Variants in DRAM2 observed in about 807,000 individuals in gnomAD.
DRAM2 encodes DNA damage regulated autophagy modulator 2, also known as DNA damage-regulated autophagy modulator protein 2.
A neutral mutation model predicts 33.5 loss-of-function variants in DRAM2; 26 were observed. The ratio of observed to expected loss-of-function variants is 0.78; its 90% CI spans 0.57 to 1.08. The LOEUF (loss-of-function observed/expected upper bound fraction) is 1.08, where lower values mean the gene tolerates loss of function less well. Among genes scored for constraint, DRAM2 ranks in the 50% least tolerant of loss-of-function variants. The pLI is 0.00. For missense variants in DRAM2, 311 were observed against 318.1 expected (o/e 0.98, Z 0.17); for synonymous variants, 98 against 109.5 (o/e 0.89, Z 0.66).
In DRAM2 at chr1:111,126,235, G is replaced by A; in HGVS notation, c.191C>T (p.Ala64Val). The change falls in exon 5 of 10, where the codon GCA becomes GTA. Residue 64 changes from alanine (A) to valine (V), a missense_variant. Physicochemically the swap from Ala to Val is moderately conservative, Grantham distance 64. Transcript: ENST00000484310. Reference sequence around the variant, plus strand: ...TCACTTTCATTACTTACATAAAACTGCCGCAATATTTAGCATTGCCCCAAA... The same window carrying A: ...TCACTTTCATTACTTACATAAAACTACCGCAATATTTAGCATTGCCCCAAA... The part of the protein sequence containing the change: ...CLFGAMLNIA[A>V]VLCIATIYVR... 6.2e-7 allele frequency: 1 copy of A among 1,607,848 alleles called. No homozygotes were observed. The highest frequency in any genetic ancestry group is 8.5e-7 in the Non-Finnish European group (1 of 1,175,748).
At chr1:111,120,457 C>T (rs919644237) in intron 7 of DRAM2, 59 bp downstream of exon 7, 30 of 810,468 alleles carry the variant, frequency 3.7e-5, no homozygotes, top group East Asian at 7.1e-5. Context: ...ATAGTGTTTA[C>T]TTAAATCTTG....
chr1:111,131,562 A>C lies in DRAM2; in HGVS notation c.-8T>G. ...TTGCTGAAACCACCACATTTCTAAC[A>C]GGTTTTCTGAAATAGAGAAAACATA... is the stretch of plus-strand genomic sequence containing the variant. On this transcript the variant is annotated 5_prime_UTR_variant, in exon 4 of 10. Transcript: ENST00000484310. 1 of 1,612,904 alleles carries C rather than the reference A, an allele frequency of 6.2e-7. No homozygotes were observed. Among genetic ancestry groups the C allele is most frequent in the Non-Finnish European group, 8.5e-7 (1 of 1,179,734 alleles).
intron 2 of DRAM2, among the ~76,000 whole-genome samples, 185 bp from the exon 3 acceptor site, chr1:111,137,771 G>A (rs1653544731): frequency 7.0e-6 from 1 of 143,014 alleles, no homozygotes; most frequent in South Asian, 2.5e-4. Flanking sequence ...TGTACCATCT[G>A]GAATTAAATA....
chr1:111,133,882 T>G (rs1652634784), intron 3 of DRAM2, among the ~76,000 whole-genome samples: 1 of 152,238 alleles, frequency 6.6e-6, no homozygotes, highest in African/African-American at 2.4e-5. Context: ...TCTTTCCAGC[T>G]TCAGCTGAGT....
chr1:111,133,338 C>T (rs751813248), intron 3 of DRAM2, among the ~76,000 whole-genome samples: 8 of 152,062 alleles, frequency 5.3e-5, no homozygotes, highest in Non-Finnish European at 7.4e-5. Flanking sequence ...CCACCACGTC[C>T]GGCTAATCTT....
chr1:111,137,902 A>T (rs1224911602), intron 2 of DRAM2, among the ~76,000 whole-genome samples: 1 of 152,240 alleles, frequency 6.6e-6, no homozygotes, highest in Non-Finnish European at 1.5e-5. Context: ...TGAGGAAAAA[A>T]ATAATAGATT....
intron 4 of DRAM2, among the ~76,000 whole-genome samples, chr1:111,128,470 A>G (rs1208510818): frequency 3.9e-5 from 6 of 152,134 alleles, no homozygotes; most frequent in African/African-American, 1.4e-4. Flanking sequence ...AAACTCAGAA[A>G]AAGAACTAAG....
chr1:111,139,498 C>A lies in DRAM2; in HGVS notation c.-79+3G>T, dbSNP rs992543604. ...CACCAAAGTATCTGAACCCAGAACT[C>A]ACAACAGGAACGTGTACTCAACAGG... On this transcript the variant is annotated splice_donor_region_variant and intron_variant, in intron 2 of 9. Transcript: ENST00000484310. 3 of 152,248 alleles carry A rather than the reference C, an allele frequency of 2.0e-5. No individual in the cohort carries two copies. Among genetic ancestry groups the A allele is most frequent in the Non-Finnish European group, 4.4e-5 (3 of 68,088 alleles). The allele number at this position is 152,248 out of a possible 1,614,324, so 9.4% of individuals were successfully genotyped here. A position where few individuals can be genotyped will look rare whatever the true frequency, so the allele number is the denominator to read the frequency against.
At chr1:111,123,198 C>T (rs1221022247) in intron 6 of DRAM2, among the ~76,000 whole-genome samples, 2 of 152,156 alleles carry the variant, frequency 1.3e-5, no homozygotes, top group African/African-American at 4.8e-5. Flanking sequence ...TAGTTGTCCA[C>T]CCAAATTGTT....
chr1:111,133,714 A>G, intron 3 of DRAM2, among the ~76,000 whole-genome samples: 1 of 152,206 alleles, frequency 6.6e-6, no homozygotes, highest in Non-Finnish European at 1.5e-5. Flanking sequence ...ATTCAAACTC[A>G]AGCAATTTGA....
intron 6 of DRAM2, among the ~76,000 whole-genome samples, chr1:111,122,343 G>T (rs1314986189): frequency 1.3e-5 from 2 of 152,156 alleles, no homozygotes; most frequent in Non-Finnish European, 2.9e-5. Context: ...GATGAGAGAT[G>T]ATGAAATCTA....
chr1:111,132,499 G>A lies in DRAM2; in HGVS notation c.-14-931C>T, dbSNP rs1571059731. 2.0e-5 allele frequency among the ~76,000 whole-genome samples: 3 copies of A among 152,270 alleles called. No individual in the cohort carries two copies. In the East Asian group the frequency reaches 5.8e-4, roughly 29 times the overall value. On this transcript the variant is annotated intron_variant, in intron 3 of 9. Transcript: ENST00000484310. Reference sequence around the variant, plus strand: ...AGTTGGGAGGTAGTCTAGTGGGACTGAGCCCTCAACCAGTGCGATCTGATG... The same window carrying A: ...AGTTGGGAGGTAGTCTAGTGGGACTAAGCCCTCAACCAGTGCGATCTGATG...
At chr1:111,121,949 C>T (rs1404649258) in intron 6 of DRAM2, among the ~76,000 whole-genome samples, 1 of 151,944 alleles carries the variant, frequency 6.6e-6, no homozygotes, top group East Asian at 1.9e-4. Flanking sequence ...GCCTACCAAA[C>T]AGAGGAAACA....
chr1:111,139,571 T>A lies in DRAM2; in HGVS notation c.-149A>T, dbSNP rs1261865120. The A allele has an allele frequency of 1.3e-5, 2 of 152,282 alleles. No homozygotes were observed. The highest frequency in any genetic ancestry group is 4.8e-5 in the African/African-American group (2 of 41,450). The allele number at this position is 152,282 out of a possible 1,614,324, so 9.4% of individuals were successfully genotyped here. A position where few individuals can be genotyped will look rare whatever the true frequency, so the allele number is the denominator to read the frequency against. On this transcript the variant is annotated 5_prime_UTR_variant, in exon 2 of 10. Coordinates refer to ENST00000484310, the MANE Select transcript of DRAM2 (RefSeq NM_001349884.2). Reference sequence around the variant, plus strand: ...GTGGGAAAGGGTTGAAGATTCTTGGTAACTGCTTCAACAAACCAGAGGAAT... The same window carrying A: ...GTGGGAAAGGGTTGAAGATTCTTGGAAACTGCTTCAACAAACCAGAGGAAT...
At chr1:111,128,833 A>C (rs1384267810) in intron 4 of DRAM2, among the ~76,000 whole-genome samples, 5 of 152,192 alleles carry the variant, frequency 3.3e-5, no homozygotes, top group Admixed American at 3.3e-4. Flanking sequence ...AAAGTTTTTC[A>C]AAACGAAAGC....
At chr1:111,131,673 C>T (rs963514342) in intron 3 of DRAM2, 105 bp from the exon 4 acceptor site, 2 of 1,100,138 alleles carry the variant, frequency 1.8e-6, no homozygotes, top group Admixed American at 2.4e-5. Context: ...CAAGCTGTTT[C>T]ACCTCTGAAA....
intron 3 of DRAM2, among the ~76,000 whole-genome samples, chr1:111,133,379 C>T (rs61804631): frequency 5.3e-5 from 8 of 151,950 alleles, no homozygotes; most frequent in South Asian, 2.1e-4. Flanking sequence ...GATTTCACCA[C>T]GTTGGCCAGG....
Position 111,124,800 on chromosome 1 carries a change from GC to G in DRAM2, c.280del (p.Ala94LeufsTer8). ...ACTCAGTATTCCAAGTACAAGGCCA[GC>G]CTTGTTTAATTTGATGATAACGTTC... ...EENVIIKLNK[A>X]GLVLGILSCL... On this transcript the variant is annotated frameshift_variant, in exon 6 of 10. Coordinates refer to ENST00000484310, the MANE Select transcript of DRAM2 (RefSeq NM_001349884.2). LOFTEE classifies it high-confidence loss of function. 1 of 1,613,484 alleles carries G rather than the reference GC, an allele frequency of 6.2e-7. No homozygotes were observed. Among genetic ancestry groups the G allele is most frequent in the South Asian group, 1.1e-5 (1 of 91,068 alleles).
chr1:111,124,024 C>T (rs1650534225), intron 6 of DRAM2, among the ~76,000 whole-genome samples: 1 of 152,124 alleles, frequency 6.6e-6, no homozygotes, highest in South Asian at 2.1e-4. Flanking sequence ...CAAAACAAAC[C>T]AAGGCAGTTT....
Sources: allele counts gnomAD v4.1 joint callset (sites outside exome capture counted in the v4.1 genomes callset), GRCh38; gene constraint gnomAD v4.1.1; transcripts MANE v1.5; gene names NCBI Gene and HGNC (gene_info 2026-07-23, HGNC 2026-07-21).